APCDD1: variants seen among roughly 807,000 people sequenced by gnomAD.
APCDD1 encodes APC down-regulated 1, also known as protein APCDD1.
APCDD1 carries 15 observed loss-of-function variants against 38.1 expected under a neutral mutation model. That is an observed-to-expected ratio of 0.39 (90% CI 0.26 to 0.61). The LOEUF (loss-of-function observed/expected upper bound fraction) is 0.61, where lower values mean the gene tolerates loss of function less well. Ranked by LOEUF, APCDD1 falls within the 20% of genes least tolerant of loss-of-function variation. The pLI is 0.49. For synonymous variants in APCDD1, 261 were observed against 279.7 expected (o/e 0.93, Z 0.67); for missense variants, 647 against 696.2 (o/e 0.93, Z 0.79).
rs149564774 is a variant in APCDD1 at position 10,468,530 on chromosome 18, G to T, written c.120G>T (p.Glu40Asp). The T allele has an allele frequency of 1.5e-5, 25 of 1,614,064 alleles. No homozygotes were observed. In the African/African-American group the frequency reaches 3.1e-4, roughly 20 times the overall value. ...GCAGGTCTCATCCTAGGTCCTTAGA[G>T]AAAAGTGCCTGGAGGGCTTTTAAGG... ...PDSRSHPRSL[E>D]KSAWRAFKES... Residue 40 changes from glutamate (E) to aspartate (D), a missense_variant, in exon 2 of 5, where the codon GAG becomes GAT. Glu to Asp is a conservative substitution (Grantham distance 45). Transcript: ENST00000355285.
At chr18:10,487,569 A>T in intron 4 of APCDD1, 21 bp from the exon 5 acceptor site, 1 of 1,613,070 alleles carries the variant, frequency 6.2e-7, no homozygotes, top group South Asian at 1.1e-5. Context: ...GAGTCATGGA[A>T]CTCTCCTTTC....
intron 3 of APCDD1, among the ~76,000 whole-genome samples, chr18:10,479,310 A>G (rs973525363): frequency 9.9e-5 from 15 of 152,226 alleles, no homozygotes; most frequent in Non-Finnish European, 1.3e-4. Context: ...CTTCTTGAAC[A>G]AAACTTTTAG....
At chr18:10,473,201 A>G (rs2030906571) in intron 3 of APCDD1, among the ~76,000 whole-genome samples, 1 of 152,198 alleles carries the variant, frequency 6.6e-6, no homozygotes, top group South Asian at 2.1e-4. Flanking sequence ...GCTCCGTGTT[A>G]TCTTTTTTTA....
chr18:10,471,820 G>A lies in APCDD1; in HGVS notation c.533G>A (p.Gly178Glu). 1.2e-6 allele frequency: 2 copies of A among 1,613,898 alleles called. 1 individual carries two copies. Residue 178 changes from glycine (G) to glutamate (E), a missense_variant, in exon 3 of 5, where the codon GGG (glycine) becomes GAG (glutamate). Physicochemically the swap from Gly to Glu is moderately conservative, Grantham distance 98. Coordinates refer to ENST00000355285, the MANE Select transcript of APCDD1 (RefSeq NM_153000.5). This position sits in a 1 kb window ranked among gnomAD's most constrained non-coding sequence, Gnocchi z 5.5. ...ACATGCCCGGGCTTCCTCGCAGACG[G>A]GGGTCCCTGGGTGCAGGACGTGGCC... ...NRTCPGFLAD[G>E]GPWVQDVAYD...
intron 3 of APCDD1, chr18:10,477,874 G>A (rs748220959): frequency 2.6e-5 from 4 of 152,150 alleles, no homozygotes; most frequent in Admixed American, 6.5e-5. Flanking sequence ...AATTCTTTTC[G>A]GAAACCATTC....
In APCDD1 at chr18:10,468,501, G is replaced by A. The variant is rs1445997896; in HGVS notation, c.91G>A (p.Asp31Asn). Reference protein sequence around the residue: ...LGEGSALLHPDSRSHPRSLEK... With the variant: ...LGEGSALLHPNSRSHPRSLEK... The stretch of plus-strand genomic sequence containing the variant: ...AGAGGGTTCTGCCCTCCTTCATCCA[G>A]ACAGCAGGTCTCATCCTAGGTCCTT... The change falls in exon 2 of 5, where the codon GAC (aspartate) becomes AAC (asparagine). Residue 31 changes from aspartate to asparagine, a missense_variant. Transcript: ENST00000355285. 6.2e-7 allele frequency: 1 copy of A among 1,614,180 alleles called. No individual in the cohort carries two copies. The highest frequency in any genetic ancestry group is 1.3e-5 in the African/African-American group (1 of 75,040).
At position 10,468,541 on chromosome 18, in the gene APCDD1, G is replaced by T; in HGVS notation, c.131G>T (p.Trp44Leu). The T allele has an allele frequency of 6.2e-7, 1 of 1,614,166 alleles. No homozygotes were observed. Among genetic ancestry groups the T allele is most frequent in the Non-Finnish European group, 8.5e-7 (1 of 1,180,030 alleles). The change falls in exon 2 of 5, where the codon TGG becomes TTG. Residue 44 changes from tryptophan to leucine, a missense_variant. Trp to Leu is a moderately conservative substitution (Grantham distance 61). Coordinates refer to ENST00000355285, the MANE Select transcript of APCDD1 (RefSeq NM_153000.5). Reference sequence around the variant, plus strand: ...CCTAGGTCCTTAGAGAAAAGTGCCTGGAGGGCTTTTAAGGAGTCACAGTGC... The same window carrying T: ...CCTAGGTCCTTAGAGAAAAGTGCCTTGAGGGCTTTTAAGGAGTCACAGTGC... The part of the protein sequence containing the change: ...SHPRSLEKSA[W>L]RAFKESQCHH...
rs1014283393 is a variant in APCDD1 at position 10,472,977 on chromosome 18, C to T, written c.774+916C>T. Reference sequence around the variant, plus strand: ...TGAACGTGCAGACCCGGGCCTGCTGCGGGTGGGCGGTGGGCAGGTCTCTGT... The same window carrying T: ...TGAACGTGCAGACCCGGGCCTGCTGTGGGTGGGCGGTGGGCAGGTCTCTGT... On this transcript the variant is annotated intron_variant, in intron 3 of 4. Transcript: ENST00000355285. The surrounding 1 kb of genome is among the most constrained non-coding windows in gnomAD (Gnocchi z 6.6). Among the ~76,000 whole-genome samples the T allele has an allele frequency of 4.6e-5, 7 of 152,094 alleles. No homozygotes were observed. Among genetic ancestry groups the T allele is most frequent in the Non-Finnish European group, 1.0e-4 (7 of 68,012 alleles).
chr18:10,486,724 T>A (rs2031257121), intron 4 of APCDD1, among the ~76,000 whole-genome samples: 1 of 152,156 alleles, frequency 6.6e-6, no homozygotes, highest in Non-Finnish European at 1.5e-5. Flanking sequence ...AGTTTGAGCA[T>A]CTTTGTAAAA....
intron 3 of APCDD1, chr18:10,477,713 G>A (rs938934014): frequency 1.3e-5 from 2 of 152,240 alleles, no homozygotes; most frequent in African/African-American, 4.8e-5. Flanking sequence ...ACTCCAGGGA[G>A]TGTTTGCTGA....
chr18:10,466,945 A>G (rs2155761), intron 1 of APCDD1, among the ~76,000 whole-genome samples: 4,870 of 152,300 alleles, frequency 0.032, 267 homozygotes, highest in African/African-American at 0.11. Flanking sequence ...TGTCTCACTG[A>G]CATTCATTGC....
intron 1 of APCDD1, 35 bp from the exon 2 acceptor site, chr18:10,468,434 C>A (rs918189905): frequency 1.2e-6 from 2 of 1,612,708 alleles, no homozygotes; most frequent in East Asian, 2.2e-5. Flanking sequence ...GCTGCTACTT[C>A]TTCTTTTGGC....
intron 1 of APCDD1, among the ~76,000 whole-genome samples, chr18:10,458,789 T>C (rs1028872203): frequency 6.6e-5 from 10 of 152,196 alleles, no homozygotes; most frequent in Admixed American, 5.9e-4. Flanking sequence ...TTAGTGATTG[T>C]CTACATCGGT....
At chr18:10,455,661 A>G (rs2030362297) in intron 1 of APCDD1, among the ~76,000 whole-genome samples, 1 of 152,120 alleles carries the variant, frequency 6.6e-6, no homozygotes, top group African/African-American at 2.4e-5. Context: ...CCAAGATTTA[A>G]TCATTATTAC....
chr18:10,464,918 TGTTA>T (rs1268788449), intron 1 of APCDD1, among the ~76,000 whole-genome samples: 1 of 152,210 alleles, frequency 6.6e-6, no homozygotes, highest in Non-Finnish European at 1.5e-5. Flanking sequence ...TTAACTGTTC[TGTTA>T]GTTAGAGGGG....
At position 10,469,355 on chromosome 18, in the gene APCDD1, A is replaced by T. The variant is rs2030796578; in HGVS notation, c.242+703A>T. 6.6e-6 allele frequency among the ~76,000 whole-genome samples: 1 copy of T among 152,242 alleles called. No homozygotes were observed. The highest frequency in any genetic ancestry group is 2.4e-5 in the African/African-American group (1 of 41,466). On this transcript the variant is annotated intron_variant, in intron 2 of 4. Coordinates refer to ENST00000355285, the MANE Select transcript of APCDD1 (RefSeq NM_153000.5). This position sits in a 1 kb window ranked among gnomAD's most constrained non-coding sequence, Gnocchi z 5.5. ...GGGAGGGATCAGATGAATATGGAGA[A>T]GAGAAAAAAAGAAATTGTATAAGAT...
chr18:10,484,277 C>G (rs2031201776), intron 3 of APCDD1, among the ~76,000 whole-genome samples: 1 of 152,262 alleles, frequency 6.6e-6, no homozygotes, highest in African/African-American at 2.4e-5. Context: ...TTCCAGCTCT[C>G]CCTTCTTGCG....
Position 10,485,324 on chromosome 18 carries a change from A to T in APCDD1, c.775-138A>T. ...CACCTCTGTCTGTGCCCGGAGCATGATTCCAGTTGGTTCTTGGTGTCGAGG... is the reference window on the plus strand; with the variant it reads ...CACCTCTGTCTGTGCCCGGAGCATGTTTCCAGTTGGTTCTTGGTGTCGAGG... On this transcript the variant is annotated intron_variant, in intron 3 of 4. Transcript: ENST00000355285. The surrounding 1 kb of genome is among the most constrained non-coding windows in gnomAD (Gnocchi z 5.8). 1.1e-6 allele frequency: 1 copy of T among 908,102 alleles called. No individual in the cohort carries two copies. 56.3% of individuals were successfully genotyped at this position (908,102 alleles called of 1,614,324 possible).
rs74442180 is a variant in APCDD1, at chr18:10,461,476, G to T, written c.58+6437G>T. ...TTCCTCTGGACTGGGAACAGTCCCT[G>T]GAGAGCTTCAAGTTTAGACAGTACC... is the stretch of plus-strand genomic sequence containing the variant. On this transcript the variant is annotated intron_variant, in intron 1 of 4. Coordinates refer to ENST00000355285, the MANE Select transcript of APCDD1 (RefSeq NM_153000.5). Among the ~76,000 whole-genome samples the T allele has an allele frequency of 4.3e-4, 66 of 152,290 alleles. 1 individual carries two copies. Among genetic ancestry groups the T allele is most frequent in the African/African-American group, 1.5e-3 (61 of 41,570 alleles).
Sources: gnomAD v4.1 joint callset for allele counts (sites outside exome capture counted in the v4.1 genomes callset) on GRCh38, gnomAD v4.1.1 for gene constraint, Gnocchi (gnomAD v3.1) non-coding constraint, MANE v1.5 for transcripts, NCBI Gene and HGNC (gene_info 2026-07-23, HGNC 2026-07-21) for gene names.